Variants in SHOC1 observed in about 807,000 individuals in gnomAD.
The protein encoded by SHOC1 is shortage in chiasmata 1.
A neutral mutation model predicts 179.2 loss-of-function variants in SHOC1; 136 were observed. The observed-to-expected ratio is 0.76, with a 90% confidence interval of 0.66 to 0.87. SHOC1 has a LOEUF of 0.87. SHOC1 is among the 40% of genes least tolerant of loss of function. SHOC1 has a pLI of 0.00. For missense variants in SHOC1, 1,538 were observed against 1,700.8 expected, an observed-to-expected ratio of 0.90 and a Z score of 1.68; for synonymous variants, 489 against 586.6, an observed-to-expected ratio of 0.83 and a Z score of 2.41.
At chr9:111,784,184 G>A (rs2085974429) in intron 3 of SHOC1, among the ~76,000 whole-genome samples, 1 of 152,182 alleles carries the variant, frequency 6.6e-6, no homozygotes, top group African/African-American at 2.4e-5. Context: ...GTAACCAATT[G>A]CCTTCTTAAT....
intron 12 of SHOC1, among the ~76,000 whole-genome samples, chr9:111,730,056 A>C (rs1564131304): frequency 6.6e-6 from 1 of 152,200 alleles, no homozygotes; most frequent in African/African-American, 2.4e-5. Context: ...CATCCATAAG[A>C]AACAACTCCT....
intron 12 of SHOC1, among the ~76,000 whole-genome samples, chr9:111,729,435 GCTGA>G (rs1833464693): frequency 6.6e-6 from 1 of 152,162 alleles, no homozygotes; most frequent in Admixed American, 6.5e-5. Flanking sequence ...GTTGACAGCT[GCTGA>G]CTGTCAGAGT....
intron 11 of SHOC1, 48 bp downstream of exon 11, chr9:111,741,427 CT>C: frequency 5.6e-6 from 6 of 1,063,376 alleles, no homozygotes; most frequent in South Asian, 1.3e-5. Context: ...CTCGTTGTAC[CT>C]TTTTACCTAT....
rs1554707978 is a variant in SHOC1, at chr9:111,692,513, T to G, written c.3466-2A>C. The G allele has an allele frequency of 1.3e-6, 2 of 1,544,836 alleles. No individual in the cohort carries two copies. The highest frequency in any genetic ancestry group is 2.5e-5 in the South Asian group (2 of 81,564). On this transcript the variant is annotated splice_acceptor_variant, in intron 26 of 27. Coordinates refer to ENST00000682961, the MANE Select transcript of SHOC1 (RefSeq NM_001378211.1). LOFTEE classifies it high-confidence loss of function. ...TAGGGAAGTGATGCTACAAAAATGC[T>G]AAAAAATGAATTAATATAATGCAAA...
Position 111,758,771 on chromosome 9 carries a change from T to C in SHOC1, c.520A>G (p.Arg174Gly), listed in dbSNP as rs375493232. Reference sequence around the variant, plus strand: ...TCCTTTACCAAAAACAGTTTTAGTCTACTCAAGAGAGTAGGCAAAGTTGGT... The same window carrying C: ...TCCTTTACCAAAAACAGTTTTAGTCCACTCAAGAGAGTAGGCAAAGTTGGT... ...HLPTLPTLLSRLKLFLVKDPL... is the reference protein window; with the variant it reads ...HLPTLPTLLSGLKLFLVKDPL... Residue 174 changes from arginine (R) to glycine (G), a missense_variant, in exon 6 of 28, where the codon AGA becomes GGA. By Grantham distance (125) the Arg-to-Gly change is moderately radical. Coordinates refer to ENST00000682961, the MANE Select transcript of SHOC1 (RefSeq NM_001378211.1). 5.6e-6 allele frequency: 9 copies of C among 1,601,784 alleles called. No homozygotes were observed. Among genetic ancestry groups the C allele is most frequent in the Non-Finnish European group, 5.1e-6 (6 of 1,173,966 alleles).
In SHOC1 at chr9:111,741,580, A is replaced by G. The variant is rs1319684152; in HGVS notation, c.1080-10T>C. 6.0e-6 allele frequency: 9 copies of G among 1,495,386 alleles called. No homozygotes were observed. The highest frequency in any genetic ancestry group is 2.8e-5 in the African/African-American group (2 of 71,936). The allele number at this position is 1,495,386 out of a possible 1,614,324, so 92.6% of individuals were successfully genotyped here. A position where few individuals can be genotyped will look rare whatever the true frequency, so the allele number is the denominator to read the frequency against. On this transcript the variant is annotated splice_polypyrimidine_tract_variant and intron_variant, in intron 10 of 27. Coordinates refer to ENST00000682961, the MANE Select transcript of SHOC1 (RefSeq NM_001378211.1). ...AGCAGTAAGCAAATTACTGAAAAAA[A>G]GAGTTAAAGTTTAATACATTAATAA...
chr9:111,716,391 T>C (rs1832790997), intron 16 of SHOC1, among the ~76,000 whole-genome samples: 1 of 139,886 alleles, frequency 7.1e-6, no homozygotes, highest in Admixed American at 7.2e-5. Flanking sequence ...CTTTTTTTTT[T>C]TTTTTTTTTT....
chr9:111,720,770 A>T (rs1020032299), intron 15 of SHOC1, among the ~76,000 whole-genome samples: 3 of 152,206 alleles, frequency 2.0e-5, no homozygotes, highest in African/African-American at 7.2e-5. Context: ...CATCTCATGC[A>T]TTGCAGTTTA....
At position 111,769,982 on chromosome 9, in the gene SHOC1, T is replaced by A. The variant is rs1243084856; in HGVS notation, c.442+5809A>T. On this transcript the variant is annotated intron_variant, in intron 5 of 27. Coordinates refer to ENST00000682961, the MANE Select transcript of SHOC1 (RefSeq NM_001378211.1). ...CGAAAGGTTTTATCTTCTGTTTTTTTTTTGTTTTTTTTTTTTTTTTTTTTT... is the reference window on the plus strand; with the variant it reads ...CGAAAGGTTTTATCTTCTGTTTTTTATTTGTTTTTTTTTTTTTTTTTTTTT... Among the ~76,000 whole-genome samples the A allele has an allele frequency of 7.8e-5, 3 of 38,670 alleles. No individual in the cohort carries two copies. In the Admixed American group the frequency reaches 1.2e-3, roughly 15 times the overall value. 25.4% of individuals were successfully genotyped at this position (38,670 alleles called of 152,430 possible).
chr9:111,760,982 T>A (rs1835111400), intron 5 of SHOC1, among the ~76,000 whole-genome samples: 1 of 151,604 alleles, frequency 6.6e-6, no homozygotes, highest in African/African-American at 2.4e-5. Context: ...CATTTAATAG[T>A]TAAAATTATA....
intron 5 of SHOC1, among the ~76,000 whole-genome samples, chr9:111,760,620 GT>G (rs147416190): frequency 0.15 from 22,301 of 150,720 alleles, 1,862 homozygotes; most frequent in Non-Finnish European, 0.19. Flanking sequence ...TACAATTAAT[GT>G]TTTTTTTTAA....
intron 13 of SHOC1, 84 bp from the exon 14 acceptor site, chr9:111,723,995 T>C: frequency 4.0e-6 from 4 of 992,932 alleles, no homozygotes; most frequent in Non-Finnish European, 5.8e-6. Context: ...TTCTAAAATA[T>C]GATCACAGTT....
intron 15 of SHOC1, 23 bp from the exon 16 acceptor site, chr9:111,718,311 T>C: frequency 6.8e-7 from 1 of 1,480,080 alleles, no homozygotes; most frequent in Non-Finnish European, 9.3e-7. Flanking sequence ...AAATGTATTT[T>C]AAAACATAGA....
At chr9:111,687,422 AT>A (rs1187252085) in intron 27 of SHOC1, among the ~76,000 whole-genome samples, 1 of 152,190 alleles carries the variant, frequency 6.6e-6, no homozygotes, top group Non-Finnish European at 1.5e-5. Context: ...ATAAATGCAT[AT>A]ATTTTTATGC....
chr9:111,777,326 G>A (rs1380962884), intron 4 of SHOC1, among the ~76,000 whole-genome samples: 2 of 152,126 alleles, frequency 1.3e-5, no homozygotes, highest in South Asian at 2.1e-4. Context: ...TCCTACAAAC[G>A]CAGTCTGGTC....
In SHOC1 at chr9:111,702,820, G is replaced by C. The variant is rs373283884; in HGVS notation, c.2968-594C>G. Among the ~76,000 whole-genome samples the C allele has an allele frequency of 1.4e-3, 210 of 152,262 alleles. 1 individual carries two copies. Among genetic ancestry groups the C allele is most frequent in the African/African-American group, 4.9e-3 (204 of 41,564 alleles). ...TAAGTTATATAATTGGATTACAACAGTTTTGCCAGCCAGGCACAGTAGCTC... is the reference window on the plus strand; with the variant it reads ...TAAGTTATATAATTGGATTACAACACTTTTGCCAGCCAGGCACAGTAGCTC... On this transcript the variant is annotated intron_variant, in intron 22 of 27. Coordinates refer to ENST00000682961, the MANE Select transcript of SHOC1 (RefSeq NM_001378211.1).
chr9:111,691,355 TAAG>T (rs1831412412), intron 27 of SHOC1, among the ~76,000 whole-genome samples, 193 bp downstream of exon 27: 1 of 152,218 alleles, frequency 6.6e-6, no homozygotes, highest in South Asian at 2.1e-4. Flanking sequence ...TTAGTCCACT[TAAG>T]GTTATAATAA....
intron 10 of SHOC1, among the ~76,000 whole-genome samples, chr9:111,743,195 C>T (rs1220113701): frequency 6.6e-6 from 1 of 152,054 alleles, no homozygotes; most frequent in East Asian, 1.9e-4. Context: ...GCTACAATAA[C>T]ATTCTTTGTT....
At chr9:111,736,667 T>C (rs1287465624) in intron 12 of SHOC1, among the ~76,000 whole-genome samples, 1 of 152,212 alleles carries the variant, frequency 6.6e-6, no homozygotes, top group Non-Finnish European at 1.5e-5. Context: ...AAAGAATTTA[T>C]GATTAAGTCC....
Sources: gnomAD v4.1 joint callset for allele counts (sites outside exome capture counted in the v4.1 genomes callset) on GRCh38, gnomAD v4.1.1 for gene constraint, MANE v1.5 for transcripts, NCBI Gene and HGNC (gene_info 2026-07-23, HGNC 2026-07-21) for gene names.